Variants in RCAN2 observed in about 807,000 individuals in gnomAD.
RCAN2 encodes calcipressin-2.
In RCAN2, 9 loss-of-function variants were observed where a neutral mutation model predicts 23.6. That is an observed-to-expected ratio of 0.38 (90% confidence interval 0.23 to 0.67). RCAN2 has a LOEUF of 0.67. RCAN2 is among the 30% of genes least tolerant of loss of function. The probability of loss-of-function intolerance (pLI) is 0.51; values close to 1 mark genes in which losing one functional copy is unlikely to be tolerated. For synonymous variants in RCAN2, 109 were observed against 115.7 expected, an observed-to-expected ratio of 0.94 and a Z score of 0.37; for missense variants, 273 against 302.3, an observed-to-expected ratio of 0.90 and a Z score of 0.72.
intron 1 of RCAN2, among the ~76,000 whole-genome samples, chr6:46,459,372 C>CA (rs946611571): frequency 4.0e-5 from 6 of 151,450 alleles, no homozygotes; most frequent in Admixed American, 1.3e-4. Context: ...ATTATTTTTC[C>CA]AAAAAAAATC....
intron 2 of RCAN2, among the ~76,000 whole-genome samples, chr6:46,452,373 G>C (rs1313448112): frequency 1.3e-5 from 2 of 152,096 alleles, no homozygotes; most frequent in African/African-American, 4.8e-5. Flanking sequence ...ACCAACAAAA[G>C]TTCTTGTTTG....
intron 2 of RCAN2, among the ~76,000 whole-genome samples, chr6:46,347,569 A>G (rs1731733420): frequency 1.3e-5 from 2 of 152,236 alleles, no homozygotes; most frequent in Admixed American, 6.5e-5. Context: ...TGTAAAAAGT[A>G]TCTTATATGT....
intron 2 of RCAN2, among the ~76,000 whole-genome samples, chr6:46,378,855 T>C (rs1179660022): frequency 6.6e-6 from 1 of 152,208 alleles, no homozygotes; most frequent in African/African-American, 2.4e-5. Context: ...GGCAAACTAA[T>C]TGGCTTGTGA....
chr6:46,418,319 T>C (rs1766768985), intron 2 of RCAN2, among the ~76,000 whole-genome samples: 1 of 152,136 alleles, frequency 6.6e-6, no homozygotes, highest in South Asian at 2.1e-4. Flanking sequence ...CTTCAAATAT[T>C]CCTCTCTGAC....
rs1337743587 is a variant in RCAN2 at position 46,411,743 on chromosome 6, C to A, written c.225+45009G>T. Among the ~76,000 whole-genome samples, 4 of 152,004 alleles carry A rather than the reference C, an allele frequency of 2.6e-5. No homozygotes were observed. In the South Asian group the frequency reaches 6.2e-4, roughly 24 times the overall value. ...GCTGAGATCTGAGTTAAAAGAAGTA[C>A]CTAATCTTATAAAAACTAAGAGGAA... On this transcript the variant is annotated intron_variant, in intron 2 of 4. Transcript: ENST00000371374.
chr6:46,486,497 T>A (rs1582240474), intron 1 of RCAN2, among the ~76,000 whole-genome samples: 1 of 152,310 alleles, frequency 6.6e-6, no homozygotes, highest in Middle Eastern at 3.4e-3. Context: ...GTATGAGAAG[T>A]ACTAAGGCAT....
intron 2 of RCAN2, among the ~76,000 whole-genome samples, chr6:46,418,535 T>A (rs1362341195): frequency 6.6e-6 from 1 of 151,822 alleles, no homozygotes; most frequent in Non-Finnish European, 1.5e-5. Flanking sequence ...CTGACCAGTC[T>A]CAGTGTCCCC....
intron 2 of RCAN2, among the ~76,000 whole-genome samples, chr6:46,409,918 C>T (rs531910882): frequency 6.6e-6 from 1 of 152,220 alleles, no homozygotes; most frequent in South Asian, 2.1e-4. Context: ...AATCAGTGGG[C>T]TTAGGAATAT....
chr6:46,342,334 A>C (rs963224967), intron 2 of RCAN2, among the ~76,000 whole-genome samples: 12 of 152,178 alleles, frequency 7.9e-5, no homozygotes, highest in African/African-American at 2.9e-4. Flanking sequence ...TCTGGTATAG[A>C]AGGTGAAGTG....
intron 2 of RCAN2, among the ~76,000 whole-genome samples, chr6:46,284,703 G>A (rs572590606): frequency 7.7e-4 from 118 of 152,308 alleles, no homozygotes; most frequent in Non-Finnish European, 1.5e-3. Context: ...ATGGAGTGCT[G>A]GCCGCATGGC....
chr6:46,291,640 CTT>C (rs5875957), intron 2 of RCAN2, among the ~76,000 whole-genome samples: 112 of 145,216 alleles, frequency 7.7e-4, no homozygotes, highest in African/African-American at 2.6e-3. Context: ...CCCTTACATT[CTT>C]TTTTTTTTTT....
intron 4 of RCAN2, among the ~76,000 whole-genome samples, chr6:46,243,334 G>T (rs1391405998): frequency 6.6e-6 from 1 of 152,182 alleles, no homozygotes; most frequent in Non-Finnish European, 1.5e-5. Context: ...GCAAGGAATG[G>T]AGAGAAACAT....
chr6:46,263,454 T>A (rs1460847607), intron 2 of RCAN2, among the ~76,000 whole-genome samples: 3 of 47,368 alleles, frequency 6.3e-5, no homozygotes, highest in African/African-American at 1.0e-4. Context: ...CATCAGAGAG[T>A]GTGTGTGTGT....
At chr6:46,487,449 C>T (rs913310950) in intron 1 of RCAN2, among the ~76,000 whole-genome samples, 3 of 152,182 alleles carry the variant, frequency 2.0e-5, no homozygotes, top group African/African-American at 7.2e-5. Context: ...AACACTCTAC[C>T]TTTCCCTTTC....
chr6:46,444,931 G>A (rs1458619263), intron 2 of RCAN2, among the ~76,000 whole-genome samples: 3 of 152,074 alleles, frequency 2.0e-5, no homozygotes, highest in African/African-American at 7.2e-5. Context: ...CTTGTCCCAG[G>A]TTCCACACTT....
At chr6:46,467,188 G>A (rs1768410239) in intron 1 of RCAN2, among the ~76,000 whole-genome samples, 1 of 152,302 alleles carries the variant, frequency 6.6e-6, no homozygotes, top group South Asian at 2.1e-4. Context: ...CATAACTCTT[G>A]TAGCTACTAA....
At chr6:46,465,803 C>T (rs1768363118) in intron 1 of RCAN2, among the ~76,000 whole-genome samples, 1 of 152,186 alleles carries the variant, frequency 6.6e-6, no homozygotes, top group African/African-American at 2.4e-5. Context: ...TGGAGAGAGA[C>T]TCTCTGGGAT....
At position 46,446,101 on chromosome 6, in the gene RCAN2, C is replaced by T. The variant is rs1293891677; in HGVS notation, c.225+10651G>A. Among the ~76,000 whole-genome samples the T allele has an allele frequency of 3.6e-5, 5 of 138,356 alleles. No homozygotes were observed. The Admixed American group carries it at 3.6e-4, about 10-fold the overall frequency. The allele number at this position is 138,356 out of a possible 152,430, so 90.8% of individuals were successfully genotyped here. ...CTAAGATTCAGCCCAAACAAGATTACAATAAAATATATTATAATCAAATTG... is the reference window on the plus strand; with the variant it reads ...CTAAGATTCAGCCCAAACAAGATTATAATAAAATATATTATAATCAAATTG... On this transcript the variant is annotated intron_variant, in intron 2 of 4. Transcript: ENST00000371374.
intron 2 of RCAN2, among the ~76,000 whole-genome samples, chr6:46,415,036 G>T (rs1267826534): frequency 6.6e-6 from 1 of 152,178 alleles, no homozygotes; most frequent in Non-Finnish European, 1.5e-5. Flanking sequence ...AAGGTAGACT[G>T]GGGCCAGATC....
Sources: gnomAD v4.1 joint callset for allele counts (sites outside exome capture counted in the v4.1 genomes callset) on GRCh38, gnomAD v4.1.1 for gene constraint, MANE v1.5 for transcripts, NCBI Gene and HGNC (gene_info 2026-07-23, HGNC 2026-07-21) for gene names.